The following SCAF1 variants were observed in gnomAD, a reference collection of about 807,000 sequenced individuals.
SCAF1 encodes the protein SR-related CTD associated factor 1.
A neutral mutation model predicts 91.2 loss-of-function variants in SCAF1; 28 were observed. The ratio of observed to expected loss-of-function variants is 0.31; its 90% CI spans 0.23 to 0.42. The LOEUF is 0.42. Among genes scored for constraint, SCAF1 ranks in the 10% least tolerant of loss-of-function variants. The pLI is 1.00. For missense variants in SCAF1, 1,893 were observed against 1,872.1 expected (o/e 1.01, Z -0.21); for synonymous variants, 1,036 against 833.7 (o/e 1.24, Z -4.18).
intron 1 of SCAF1, 136 bp from the exon 2 acceptor site, chr19:49,644,885 A>ATCTC: frequency 1.6e-6 from 1 of 627,054 alleles, no homozygotes; most frequent in South Asian, 1.9e-5. Context: ...GAGTGGGAGG[A>ATCTC]GGTGGAGGAG....
chr19:49,648,489 G>T (rs1410761646), intron 6 of SCAF1, among the ~76,000 whole-genome samples: 4 of 151,378 alleles, frequency 2.6e-5, no homozygotes, highest in African/African-American at 9.7e-5. Flanking sequence ...AAACTCCAGA[G>T]CTCAAGCAAT....
In SCAF1 at chr19:49,658,625, A is replaced by G; in HGVS notation, c.*226A>G. The G allele has an allele frequency of 1.8e-6, 1 of 570,964 alleles. No homozygotes were observed. Among genetic ancestry groups the G allele is most frequent in the African/African-American group, 1.9e-5 (1 of 52,968 alleles). 35.4% of individuals were successfully genotyped at this position (570,964 alleles called of 1,614,324 possible). A position where few individuals can be genotyped will look rare whatever the true frequency, so the allele number is the denominator to read the frequency against. On this transcript the variant is annotated 3_prime_UTR_variant, in exon 11 of 11. Coordinates refer to ENST00000360565, the MANE Select transcript of SCAF1 (RefSeq NM_021228.3). ...GTGCCCCTCTCCCCAATTTCATTAA[A>G]GATTTCATGAAACATTACCCCTGAG... is the stretch of plus-strand genomic sequence containing the variant.
In SCAF1 at chr19:49,653,551, C is replaced by T. The variant is rs946756185; in HGVS notation, c.3162C>T (p.Ala1054=). The T allele has an allele frequency of 7.6e-6, 12 of 1,584,930 alleles. No individual in the cohort carries two copies. Among genetic ancestry groups the T allele is most frequent in the Non-Finnish European group, 1.0e-5 (12 of 1,169,822 alleles). ...CGGCCACCAGCACTGCTGCAGCCGCCCCAAGCACTGCCCCCAGCGCGGGGT... is the reference window on the plus strand; with the variant it reads ...CGGCCACCAGCACTGCTGCAGCCGCTCCAAGCACTGCCCCCAGCGCGGGGT... ...TTTATSTAAA[A]PSTAPSAGST... Residue 1054 remains alanine (A), a synonymous_variant, in exon 7 of 11, where the codon GCC becomes GCT. Coordinates refer to ENST00000360565, the MANE Select transcript of SCAF1 (RefSeq NM_021228.3).
Position 49,654,378 on chromosome 19 carries a change from G to A in SCAF1, c.3346G>A (p.Ala1116Thr). 1 of 1,613,524 alleles carries A rather than the reference G, an allele frequency of 6.2e-7. No homozygotes were observed. The highest frequency in any genetic ancestry group is 8.5e-7 in the Non-Finnish European group (1 of 1,179,980). ...LTALLFKMEE[A>T]NLASRAKAQE... is the part of the protein sequence containing the mutation. ...TGCACTTCTCTTCAAGATGGAAGAAGCCAACCTGGCGAGCCGAGCGAAGGC... is the reference window on the plus strand; with the variant it reads ...TGCACTTCTCTTCAAGATGGAAGAAACCAACCTGGCGAGCCGAGCGAAGGC... The change falls in exon 8 of 11, where the codon GCC (alanine) becomes ACC (threonine). Residue 1116 changes from alanine to threonine, a missense_variant. By Grantham distance (58) the Ala-to-Thr change is moderately conservative (BLOSUM62 0). This residue lies in a region of SCAF1 where 1,436 missense variants were observed against 1,306.8 expected (regional missense o/e 1.10). Coordinates refer to ENST00000360565, the MANE Select transcript of SCAF1 (RefSeq NM_021228.3).
At chr19:49,648,636 A>G (rs188411528) in intron 6 of SCAF1, among the ~76,000 whole-genome samples, 3 of 146,590 alleles carry the variant, frequency 2.0e-5, no homozygotes, top group African/African-American at 7.5e-5. Flanking sequence ...AGGACTTATG[A>G]CATTCTTAGG....
At chr19:49,643,919 G>A (rs375748728) in intron 1 of SCAF1, among the ~76,000 whole-genome samples, 2 of 152,162 alleles carry the variant, frequency 1.3e-5, no homozygotes, top group South Asian at 2.1e-4. Flanking sequence ...AACAGGACCA[G>A]GGCCTTGTCT....
At chr19:49,654,572 A>G in intron 8 of SCAF1, 80 bp from the exon 9 acceptor site, 1 of 1,377,272 alleles carries the variant, frequency 7.3e-7, no homozygotes, top group Non-Finnish European at 1.0e-6. Flanking sequence ...TGGGGAAGTC[A>G]GCGTGGGAAC....
Position 49,652,164 on chromosome 19 carries a change from G to T in SCAF1, c.1775G>T (p.Arg592Leu). ...STRRRSRSTD[R>L]RRGGSRRSRS... ...CGCCGCCGCTCGCGCAGCACCGACC[G>T]CCGCCGCGGGGGCAGCCGCAGGTCG... Residue 592 changes from arginine (R) to leucine (L), a missense_variant, in exon 7 of 11, where the codon CGC becomes CTC. Arg to Leu is a moderately radical substitution (Grantham distance 102). Around this residue, in one of 5 missense-constraint regions of SCAF1, gnomAD observed 1,436 missense variants for 1,306.8 expected, o/e 1.10. Transcript: ENST00000360565. 8.9e-7 allele frequency: 1 copy of T among 1,122,602 alleles called. No individual in the cohort carries two copies. Among genetic ancestry groups the T allele is most frequent in the Non-Finnish European group, 1.1e-6 (1 of 915,416 alleles). The allele number at this position is 1,122,602 out of a possible 1,614,324, so 69.5% of individuals were successfully genotyped here.
intron 7 of SCAF1, 25 bp downstream of exon 7, chr19:49,653,730 G>C: frequency 1.3e-6 from 2 of 1,496,214 alleles, no homozygotes; most frequent in African/African-American, 1.4e-5. Flanking sequence ...GGGGAGGGTG[G>C]TGCTGGGGCA....
In SCAF1 at chr19:49,653,458, G is replaced by A; in HGVS notation, c.3069G>A (p.Glu1023=). Residue 1023 remains glutamate (E), a synonymous_variant, in exon 7 of 11, where the codon GAG becomes GAA. Transcript: ENST00000360565. The part of the protein sequence containing the change: ...EEAGVRGGAE[E]EEEEEEEEEE... ...CTGGGGTCCGAGGTGGGGCGGAGGA[G>A]GAGGAGGAGGAAGAAGAAGAGGAGG... 1 of 1,545,992 alleles carries A rather than the reference G, an allele frequency of 6.5e-7. No individual in the cohort carries two copies. Among genetic ancestry groups the A allele is most frequent in the Non-Finnish European group, 8.7e-7 (1 of 1,146,808 alleles).
At chr19:49,654,475 C>A in intron 8 of SCAF1, 44 bp downstream of exon 8, 1 of 1,578,116 alleles carries the variant, frequency 6.3e-7, no homozygotes, top group South Asian at 1.1e-5. Flanking sequence ...CTTCTTTTGT[C>A]CATTGCCTCG....
chr19:49,654,225 T>G, intron 7 of SCAF1, 124 bp from the exon 8 acceptor site: 1 of 770,858 alleles, frequency 1.3e-6, no homozygotes, highest in Non-Finnish European at 2.2e-6. Context: ...GTTCTGAGCG[T>G]GAGGCTTTGT....
chr19:49,657,706 C>T (rs558459799), intron 9 of SCAF1, 55 bp from the exon 10 acceptor site: 27 of 1,549,220 alleles, frequency 1.7e-5, no homozygotes, highest in African/African-American at 1.4e-4. Context: ...GTGGAGGTTC[C>T]GCAGGTACTC....
chr19:49,651,795 C>G lies in SCAF1; in HGVS notation c.1406C>G (p.Ala469Gly). ...LQVDLGEPAPAPPAADSRWGG... is the reference protein window; with the variant it reads ...LQVDLGEPAPGPPAADSRWGG... ...GTGGACCTAGGGGAGCCGGCTCCCG[C>G]GCCGCCCGCCGCCGACTCGCGCTGG... The change falls in exon 7 of 11, where the codon GCG becomes GGG. Residue 469 changes from alanine to glycine, a missense_variant. Coordinates refer to ENST00000360565, the MANE Select transcript of SCAF1 (RefSeq NM_021228.3). 7.9e-7 allele frequency: 1 copy of G among 1,270,246 alleles called. No homozygotes were observed. Among genetic ancestry groups the G allele is most frequent in the Non-Finnish European group, 9.9e-7 (1 of 1,008,992 alleles). The allele number at this position is 1,270,246 out of a possible 1,614,324, so 78.7% of individuals were successfully genotyped here.
Position 49,653,314 on chromosome 19 carries a change from C to T in SCAF1, c.2925C>T (p.Ser975=), listed in dbSNP as rs2081115216. 6.8e-7 allele frequency: 1 copy of T among 1,465,236 alleles called. No homozygotes were observed. The highest frequency in any genetic ancestry group is 9.0e-7 in the Non-Finnish European group (1 of 1,106,940). 90.8% of individuals were successfully genotyped at this position (1,465,236 alleles called of 1,614,324 possible). The change falls in exon 7 of 11, where the codon AGC becomes AGT. Residue 975 remains serine (S), a synonymous_variant. Transcript: ENST00000360565. ...AGGAGCGGGCAGCCAAGGTTCCTAG[C>T]ACCCCGCCCCCCAAGGCAGCCCCAC... is the stretch of plus-strand genomic sequence containing the variant. ...SGEERAAKVP[S]TPPPKAAPPP...
chr19:49,646,090 A>C lies in SCAF1; in HGVS notation c.167-18A>C, dbSNP rs762804463. The C allele has an allele frequency of 4.4e-6, 7 of 1,608,964 alleles. No individual in the cohort carries two copies. The highest frequency in any genetic ancestry group is 5.9e-6 in the Non-Finnish European group (7 of 1,177,562). On this transcript the variant is annotated intron_variant, in intron 3 of 10. Transcript: ENST00000360565. The surrounding 1 kb of genome is among the most constrained non-coding windows in gnomAD (Gnocchi z 5.6). ...GCAAGTCCCCTGTGTCCAATCCCCC[A>C]TGCAAATCTCTCACCAGATGGCTCT...
intron 9 of SCAF1, among the ~76,000 whole-genome samples, chr19:49,656,339 C>A (rs995152332): frequency 6.6e-6 from 1 of 152,180 alleles, no homozygotes; most frequent in Non-Finnish European, 1.5e-5. Context: ...CTCTTCTGGC[C>A]ACAGAGTTCC....
chr19:49,657,583 T>G (rs1197092106), intron 9 of SCAF1, among the ~76,000 whole-genome samples, 178 bp from the exon 10 acceptor site: 2 of 152,228 alleles, frequency 1.3e-5, no homozygotes, highest in East Asian at 3.8e-4. Context: ...GCCTGGCCTT[T>G]GGTCCCGGGC....
rs769458753 is a variant in SCAF1 at position 49,653,471 on chromosome 19, G to A, written c.3082G>A (p.Glu1028Lys). The change falls in exon 7 of 11, where the codon GAA (glutamate) becomes AAA (lysine). Residue 1028 changes from glutamate (E) to lysine (K), a missense_variant. Glu to Lys is a moderately conservative substitution (Grantham distance 56). Around this residue, in one of 5 missense-constraint regions of SCAF1, gnomAD observed 1,436 missense variants for 1,306.8 expected, o/e 1.10. Coordinates refer to ENST00000360565, the MANE Select transcript of SCAF1 (RefSeq NM_021228.3). ...RGGAEEEEEE[E>K]EEEEEEEEEE... ...TGGGGCGGAGGAGGAGGAGGAGGAA[G>A]AAGAAGAGGAGGAGGAAGAGGAAGA... 3 of 1,554,070 alleles carry A rather than the reference G, an allele frequency of 1.9e-6. No homozygotes were observed.
Sources: gnomAD v4.1 joint callset for allele counts (sites outside exome capture counted in the v4.1 genomes callset) on GRCh38, gnomAD v4.1.1 for gene constraint, gnomAD v4.1.1 regional missense constraint, Gnocchi (gnomAD v3.1) non-coding constraint, MANE v1.5 for transcripts, NCBI Gene and HGNC (gene_info 2026-07-23, HGNC 2026-07-21) for gene names.